The following DOCK7 variants were observed in gnomAD, a reference collection of about 807,000 sequenced individuals.
The protein encoded by DOCK7 is dedicator of cytokinesis protein 7.
A neutral mutation model predicts 271.0 loss-of-function variants in DOCK7; 138 were observed. The ratio of observed to expected loss-of-function variants is 0.51; its 90% confidence interval spans 0.44 to 0.59. The LOEUF is 0.59. Ranked by LOEUF, DOCK7 falls within the 20% of genes least tolerant of loss-of-function variation. The pLI is 0.00. For synonymous variants in DOCK7, 823 were observed against 876.1 expected (o/e 0.94, Z 1.07); for missense variants, 2,066 against 2,592.4 (o/e 0.80, Z 4.41).
intron 1 of DOCK7, among the ~76,000 whole-genome samples, chr1:62,671,210 C>T (rs1659960395): frequency 6.6e-6 from 1 of 152,210 alleles, no homozygotes; most frequent in Non-Finnish European, 1.5e-5. Flanking sequence ...TCCACGGCTT[C>T]ATTCTTGAAG....
chr1:62,677,907 G>A (rs549466262), intron 1 of DOCK7, among the ~76,000 whole-genome samples: 172 of 103,558 alleles, frequency 1.7e-3, no homozygotes, highest in African/African-American at 6.0e-3. Context: ...AAGGTGGGAG[G>A]ATCGCTTGAG....
intron 10 of DOCK7, 31 bp from the exon 11 acceptor site, chr1:62,631,436 T>C: frequency 6.5e-7 from 1 of 1,528,074 alleles, no homozygotes; most frequent in Non-Finnish European, 8.8e-7. Flanking sequence ...CATTATATGA[T>C]TATACTTGAA....
At chr1:62,580,979 G>C (rs1647099381) in intron 16 of DOCK7, among the ~76,000 whole-genome samples, 1 of 152,118 alleles carries the variant, frequency 6.6e-6, no homozygotes, top group Non-Finnish European at 1.5e-5. Context: ...ATGACTTACT[G>C]CCTATGGCTG....
intron 1 of DOCK7, among the ~76,000 whole-genome samples, chr1:62,670,502 T>C (rs1205117235): frequency 2.6e-5 from 4 of 151,724 alleles, no homozygotes; most frequent in African/African-American, 9.7e-5. Context: ...AGAACCTTTA[T>C]GTCTAGCTCA....
intron 1 of DOCK7, 80 bp downstream of exon 1, chr1:62,688,147 G>A (rs1001810273): frequency 2.5e-6 from 3 of 1,213,034 alleles, no homozygotes; most frequent in South Asian, 3.0e-5. Context: ...ACACCCACCC[G>A]CCTCCTAGGC....
intron 41 of DOCK7, 155 bp downstream of exon 41, chr1:62,492,549 A>C: frequency 1.2e-6 from 1 of 821,568 alleles, no homozygotes; most frequent in Non-Finnish European, 1.9e-6. Context: ...TAGCCTCTCA[A>C]AGTGCTGAGA....
chr1:62,513,528 T>C lies in DOCK7; in HGVS notation c.4198A>G (p.Ile1400Val), dbSNP rs908003058. The C allele has an allele frequency of 1.9e-6, 3 of 1,614,058 alleles. No individual in the cohort carries two copies. The highest frequency in any genetic ancestry group is 2.5e-6 in the Non-Finnish European group (3 of 1,180,014). Residue 1400 changes from isoleucine to valine, a missense_variant, in exon 33 of 50, where the codon ATT (isoleucine) becomes GTT (valine). Ile to Val is a conservative substitution (Grantham distance 29). Transcript: ENST00000635253. ...KDMRAKLEEA[I>V]LGSIGARQEM... ...TGCCTGGCACCTATGCTCCCAAGAA[T>C]AGCTTCTTCAAGCTTTGCTCTCATG...
chr1:62,535,673 C>A (rs114714219), intron 28 of DOCK7, 41 bp from the exon 29 acceptor site: 2 of 1,589,794 alleles, frequency 1.3e-6, no homozygotes, highest in Non-Finnish European at 1.7e-6. Context: ...AACAGCAGTG[C>A]AACAAAGCAT....
intron 35 of DOCK7, among the ~76,000 whole-genome samples, chr1:62,506,516 G>A (rs2149324630): frequency 6.6e-6 from 1 of 151,788 alleles, no homozygotes; most frequent in Admixed American, 6.6e-5. Flanking sequence ...TGTCACCCAG[G>A]CTGAAGTGCA....
intron 14 of DOCK7, chr1:62,597,852 G>C: frequency 6.2e-7 from 1 of 1,603,550 alleles, no homozygotes; most frequent in Non-Finnish European, 8.5e-7. Context: ...CAAAGAAGAA[G>C]AAAAGGAACT....
chr1:62,617,699 A>C (rs1652623492), intron 14 of DOCK7, among the ~76,000 whole-genome samples: 1 of 152,072 alleles, frequency 6.6e-6, no homozygotes, highest in Non-Finnish European at 1.5e-5. Context: ...TTTCAATGAC[A>C]TATATGATTA....
intron 14 of DOCK7, among the ~76,000 whole-genome samples, chr1:62,591,394 G>A (rs1648428091): frequency 6.6e-6 from 1 of 151,984 alleles, no homozygotes; most frequent in African/African-American, 2.4e-5. Context: ...GATAACTATT[G>A]GGTACTGGGC....
intron 37 of DOCK7, among the ~76,000 whole-genome samples, chr1:62,502,818 G>A (rs1436693922): frequency 6.6e-6 from 1 of 151,984 alleles, no homozygotes; most frequent in Non-Finnish European, 1.5e-5. Context: ...AGAATTCCAG[G>A]ACGTATGTAA....
Position 62,535,512 on chromosome 1 carries a change from A to C in DOCK7, c.3592T>G (p.Leu1198Val). 1.2e-6 allele frequency: 2 copies of C among 1,613,916 alleles called. No homozygotes were observed. The highest frequency in any genetic ancestry group is 1.7e-6 in the Non-Finnish European group (2 of 1,179,918). ...ACTCACCCTTCAGCATCAGGGTCTA[A>C]AATGACAGCCAGCTCTGTTAACACA... Reference protein sequence around the residue: ...GLVLTELAVILDPDAEGLFGL... With the variant: ...GLVLTELAVIVDPDAEGLFGL... Residue 1198 changes from leucine to valine, a missense_variant, in exon 29 of 50, where the codon TTA becomes GTA. Leu to Val is a conservative substitution (Grantham distance 32). This residue lies in a region of DOCK7 where 1,414 missense variants were observed against 1,670.4 expected (regional missense o/e 0.85). Coordinates refer to ENST00000635253, the MANE Select transcript of DOCK7 (RefSeq NM_001367561.1).
intron 1 of DOCK7, among the ~76,000 whole-genome samples, chr1:62,681,280 C>T (rs1362405698): frequency 6.6e-6 from 1 of 150,566 alleles, no homozygotes; most frequent in Non-Finnish European, 1.5e-5. Context: ...CAAACTATCA[C>T]AAGGACAGAA....
intron 34 of DOCK7, among the ~76,000 whole-genome samples, chr1:62,508,672 T>C (rs186409569): frequency 5.9e-4 from 90 of 152,274 alleles, no homozygotes; most frequent in African/African-American, 2.0e-3. Flanking sequence ...TGTACACATA[T>C]ATTAAAAGAT....
chr1:62,541,367 T>C (rs1410114191), intron 25 of DOCK7, among the ~76,000 whole-genome samples: 2 of 152,200 alleles, frequency 1.3e-5, no homozygotes, highest in East Asian at 3.9e-4. Flanking sequence ...TGTGTTTACA[T>C]ATACAAGTTT....
At chr1:62,557,255 T>C (rs1646174625) in intron 20 of DOCK7, among the ~76,000 whole-genome samples, 3 of 151,716 alleles carry the variant, frequency 2.0e-5, no homozygotes, top group Admixed American at 1.3e-4. Context: ...CTTTATCTCC[T>C]CTCCAAAGGA....
At chr1:62,539,718 A>C (rs777126941) in intron 26 of DOCK7, 34 bp downstream of exon 26, 2 of 1,611,440 alleles carry the variant, frequency 1.2e-6, no homozygotes, top group East Asian at 4.5e-5. Flanking sequence ...TCTGAGCTTG[A>C]AAGAGAGATA....
Sources: allele counts gnomAD v4.1 joint callset (sites outside exome capture counted in the v4.1 genomes callset), GRCh38; gene constraint gnomAD v4.1.1; regional missense constraint gnomAD v4.1.1; transcripts MANE v1.5; gene names NCBI Gene and HGNC (gene_info 2026-07-23, HGNC 2026-07-21).